Variants in HS3ST4 observed in about 807,000 individuals in gnomAD.
HS3ST4 encodes heparan sulfate-glucosamine 3-sulfotransferase 4, also known as heparan sulfate glucosamine 3-O-sulfotransferase 4.
In HS3ST4, 17 loss-of-function variants were observed where a neutral mutation model predicts 29.2. The ratio of observed to expected loss-of-function variants is 0.58; its 90% confidence interval spans 0.40 to 0.87. The LOEUF (loss-of-function observed/expected upper bound fraction) is 0.87, where lower values mean the gene tolerates loss of function less well. Ranked by LOEUF, HS3ST4 falls within the 40% of genes least tolerant of loss-of-function variation. HS3ST4 has a pLI of 0.00. For synonymous variants in HS3ST4, 314 were observed against 285.7 expected, an observed-to-expected ratio of 1.10 and a Z score of -1.00; for missense variants, 627 against 634.5, an observed-to-expected ratio of 0.99 and a Z score of 0.13.
rs895367373 is a variant in HS3ST4 at position 25,938,265 on chromosome 16, G to A, written c.735-197347G>A. Among the ~76,000 whole-genome samples the A allele has an allele frequency of 6.4e-4, 98 of 152,236 alleles. 1 individual carries two copies. Among genetic ancestry groups the A allele is most frequent in the African/African-American group, 2.2e-3 (92 of 41,538 alleles). ...CACAGGAGGCCCAGGAAAGCTCTCC[G>A]GAACAGCTGGGAGAGAGTTGGAGGA... On this transcript the variant is annotated intron_variant, in intron 1 of 1. Transcript: ENST00000331351.
At position 25,854,624 on chromosome 16, in the gene HS3ST4, C is replaced by G. The variant is rs75854119; in HGVS notation, c.734+161473C>G. ...AGCCCATCTACAAGACAGAGTTGCT[C>G]TGGTTCAAACGCCTCTGACATTTTT... On this transcript the variant is annotated intron_variant, in intron 1 of 1. Transcript: ENST00000331351. Among the ~76,000 whole-genome samples, 728 of 152,136 alleles carry G rather than the reference C, an allele frequency of 4.8e-3. 10 individuals are homozygous for G. Among genetic ancestry groups the G allele is most frequent in the African/African-American group, 0.017 (686 of 41,510 alleles).
chr16:25,864,013 C>CCGCCTCTT (rs58894941), intron 1 of HS3ST4, among the ~76,000 whole-genome samples: 45,703 of 151,720 alleles, frequency 0.3, 7,611 homozygotes, highest in Admixed American at 0.38. Flanking sequence ...CTGCTGCCTG[C>CCGCCTCTT]CGCCTCTTCG....
chr16:26,114,674 C>A (rs557942125), intron 1 of HS3ST4, among the ~76,000 whole-genome samples: 6 of 152,132 alleles, frequency 3.9e-5, no homozygotes, highest in Non-Finnish European at 7.4e-5. Context: ...GAGCTGAGTC[C>A]CGCAGGATGA....
At chr16:25,764,096 T>G (rs1237145465) in intron 1 of HS3ST4, among the ~76,000 whole-genome samples, 1 of 151,992 alleles carries the variant, frequency 6.6e-6, no homozygotes, top group African/African-American at 2.4e-5. Flanking sequence ...GGGTGGAAGG[T>G]GGTCCCAGGC....
chr16:25,700,760 T>C (rs1416324654), intron 1 of HS3ST4, among the ~76,000 whole-genome samples: 1 of 152,226 alleles, frequency 6.6e-6, no homozygotes, highest in Non-Finnish European at 1.5e-5. Flanking sequence ...AATTGCGTTC[T>C]GAAATTATAA....
intron 1 of HS3ST4, among the ~76,000 whole-genome samples, chr16:26,026,183 A>G (rs911162253): frequency 1.3e-5 from 2 of 152,342 alleles, no homozygotes; most frequent in Admixed American, 1.3e-4. Flanking sequence ...CTGGGATTAC[A>G]GGCGTGAGCC....
chr16:26,078,633 G>T (rs540942120), intron 1 of HS3ST4, among the ~76,000 whole-genome samples: 4 of 152,062 alleles, frequency 2.6e-5, no homozygotes, highest in Non-Finnish European at 4.4e-5. Context: ...CATTAAACAC[G>T]GTATATCTGA....
At chr16:25,809,239 T>C (rs960816019) in intron 1 of HS3ST4, among the ~76,000 whole-genome samples, 3 of 152,190 alleles carry the variant, frequency 2.0e-5, no homozygotes, top group Admixed American at 2.0e-4. Flanking sequence ...TTTTGTGGAT[T>C]ATCTTTATTA....
chr16:25,935,023 G>T (rs1968505235), intron 1 of HS3ST4, among the ~76,000 whole-genome samples: 1 of 152,050 alleles, frequency 6.6e-6, no homozygotes, highest in African/African-American at 2.4e-5. Flanking sequence ...GATAGTGAAT[G>T]AATTCTTACG....
chr16:25,823,102 GCTT>G (rs1436096095), intron 1 of HS3ST4, among the ~76,000 whole-genome samples: 4 of 152,124 alleles, frequency 2.6e-5, no homozygotes, highest in African/African-American at 9.7e-5. Context: ...TCAAGCCCCA[GCTT>G]CTTCTTTACA....
At chr16:25,824,204 G>A (rs1203673619) in intron 1 of HS3ST4, among the ~76,000 whole-genome samples, 3 of 151,664 alleles carry the variant, frequency 2.0e-5, no homozygotes, top group African/African-American at 4.8e-5. Flanking sequence ...GGCTCAGACA[G>A]ACTCAGGATA....
intron 1 of HS3ST4, among the ~76,000 whole-genome samples, chr16:26,069,038 A>G (rs1281817045): frequency 6.6e-6 from 1 of 152,124 alleles, no homozygotes; most frequent in African/African-American, 2.4e-5. Flanking sequence ...TGCAGCCTCA[A>G]CCTCCTGGGT....
chr16:26,115,211 A>T (rs547807367), intron 1 of HS3ST4, among the ~76,000 whole-genome samples: 1 of 151,856 alleles, frequency 6.6e-6, no homozygotes, highest in South Asian at 2.1e-4. Context: ...ATTTCTATGA[A>T]TATATATATT....
intron 1 of HS3ST4, among the ~76,000 whole-genome samples, chr16:26,065,265 C>T (rs569829772): frequency 2.1e-3 from 316 of 152,298 alleles, no homozygotes; most frequent in Middle Eastern, 6.8e-3. Context: ...AAATGTGGTA[C>T]ATATACACCA....
At chr16:25,958,551 G>A (rs571796865) in intron 1 of HS3ST4, among the ~76,000 whole-genome samples, 100 of 152,244 alleles carry the variant, frequency 6.6e-4, no homozygotes, top group Non-Finnish European at 9.4e-4. Flanking sequence ...GGTTGGTCTC[G>A]AACTCCTGAC....
At chr16:25,847,305 T>C (rs543748637) in intron 1 of HS3ST4, among the ~76,000 whole-genome samples, 4 of 152,292 alleles carry the variant, frequency 2.6e-5, no homozygotes, top group Admixed American at 1.3e-4. Flanking sequence ...CCCATATAAA[T>C]TGTTATTAAT....
intron 1 of HS3ST4, among the ~76,000 whole-genome samples, chr16:26,089,183 C>G (rs1375804177): frequency 6.6e-6 from 1 of 152,196 alleles, no homozygotes; most frequent in African/African-American, 2.4e-5. Context: ...GCCAGAACCC[C>G]TCAGCACCTC....
chr16:25,845,067 A>G (rs1272354864), intron 1 of HS3ST4, among the ~76,000 whole-genome samples: 2 of 152,144 alleles, frequency 1.3e-5, no homozygotes, highest in Non-Finnish European at 2.9e-5. Context: ...TTGGGGAGGA[A>G]GAGCATTAGT....
At chr16:25,792,317 G>A (rs991867616) in intron 1 of HS3ST4, among the ~76,000 whole-genome samples, 1 of 151,848 alleles carries the variant, frequency 6.6e-6, no homozygotes, top group African/African-American at 2.4e-5. Flanking sequence ...CATAAAACTA[G>A]ATGGGAAATA....
Sources: allele counts gnomAD v4.1 joint callset (sites outside exome capture counted in the v4.1 genomes callset), GRCh38; gene constraint gnomAD v4.1.1; transcripts MANE v1.5; gene names NCBI Gene and HGNC (gene_info 2026-07-23, HGNC 2026-07-21).